The following NUP205 variants were observed in gnomAD, a reference collection of about 807,000 sequenced individuals.
NUP205 encodes the protein nuclear pore complex protein Nup205.
In NUP205, 76 loss-of-function variants were observed where a neutral mutation model predicts 253.8. The observed-to-expected ratio is 0.30, with a 90% CI of 0.25 to 0.36. The LOEUF (loss-of-function observed/expected upper bound fraction) is 0.36, where lower values mean the gene tolerates loss of function less well. NUP205 is among the 10% of genes least tolerant of loss of function. The pLI, the probability that NUP205 is intolerant of heterozygous loss-of-function variation, is 1.00. For synonymous variants in NUP205, 832 were observed against 850.1 expected, an observed-to-expected ratio of 0.98 and a Z score of 0.37; for missense variants, 2,162 against 2,425.5, an observed-to-expected ratio of 0.89 and a Z score of 2.28.
At chr7:135,592,366 G>T (rs1185182561) in intron 11 of NUP205, among the ~76,000 whole-genome samples, 1 of 152,232 alleles carries the variant, frequency 6.6e-6, no homozygotes, top group Admixed American at 6.5e-5. Flanking sequence ...GCCCTGTACA[G>T]TTACATGAGA....
chr7:135,629,521 C>T (rs931422858), intron 34 of NUP205, among the ~76,000 whole-genome samples: 8 of 139,654 alleles, frequency 5.7e-5, no homozygotes, highest in Non-Finnish European at 7.8e-5. Flanking sequence ...GTCTCTCTCT[C>T]TGTCTCTCTT....
At chr7:135,603,506 T>C (rs1400341505) in intron 18 of NUP205, among the ~76,000 whole-genome samples, 1 of 141,840 alleles carries the variant, frequency 7.1e-6, no homozygotes, top group Non-Finnish European at 1.5e-5. Context: ...CTAAGTCTAC[T>C]TTTTTTTTTT....
intron 31 of NUP205, among the ~76,000 whole-genome samples, chr7:135,624,945 A>G (rs910474685): frequency 3.3e-5 from 5 of 152,188 alleles, no homozygotes; most frequent in African/African-American, 1.2e-4. Context: ...TTGGAAATAC[A>G]TCTTTACCTG....
chr7:135,569,677 G>A (rs1584637114), intron 1 of NUP205, among the ~76,000 whole-genome samples: 2 of 151,662 alleles, frequency 1.3e-5, no homozygotes, highest in Non-Finnish European at 2.9e-5. Context: ...AAGAGCTTAG[G>A]GCCATGCTTA....
At chr7:135,646,933 C>T (rs756898426) in intron 42 of NUP205, among the ~76,000 whole-genome samples, 13 of 152,176 alleles carry the variant, frequency 8.5e-5, no homozygotes, top group Non-Finnish European at 1.8e-4. Flanking sequence ...TTTTGATTAG[C>T]TTTGTAGAAC....
In NUP205 at chr7:135,626,371, T is replaced by C; in HGVS notation, c.4793+10T>C. ...AAACGGACCCGCAGAGGTAAGTGTC[T>C]GTATAGATTAATTTGGTTAAACTCC... On this transcript the variant is annotated intron_variant, in intron 33 of 42. Transcript: ENST00000285968. The C allele has an allele frequency of 6.2e-7, 1 of 1,607,646 alleles. No homozygotes were observed. The highest frequency in any genetic ancestry group is 8.5e-7 in the Non-Finnish European group (1 of 1,178,264).
intron 27 of NUP205, 87 bp from the exon 28 acceptor site, chr7:135,618,325 T>C: frequency 9.0e-7 from 1 of 1,117,294 alleles, no homozygotes; most frequent in Non-Finnish European, 1.3e-6. Context: ...ATGTAGTAGG[T>C]TTCCAAATAA....
Position 135,618,618 on chromosome 7 carries a change from A to G in NUP205, c.3963+15A>G. The G allele has an allele frequency of 6.4e-7, 1 of 1,555,216 alleles. No individual in the cohort carries two copies. The highest frequency in any genetic ancestry group is 8.7e-7 in the Non-Finnish European group (1 of 1,148,370). On this transcript the variant is annotated intron_variant, in intron 28 of 42. Coordinates refer to ENST00000285968, the MANE Select transcript of NUP205 (RefSeq NM_015135.3). ...TGCATGATAAGGTGACGTACTTCCT[A>G]AAATACTTTATACTGCTGAACGAAT...
In NUP205 at chr7:135,591,402, A is replaced by G. The variant is rs573844038; in HGVS notation, c.1474-48A>G. 6.3e-5 allele frequency: 98 copies of G among 1,559,632 alleles called. No homozygotes were observed. The South Asian group carries it at 1.0e-3, about 16-fold the overall frequency. The stretch of plus-strand genomic sequence containing the variant: ...TTTATTAGCTAGTCCGTGTTGCCTT[A>G]AAGTTAAGATATACATTATATAAAC... On this transcript the variant is annotated intron_variant, in intron 10 of 42. Coordinates refer to ENST00000285968, the MANE Select transcript of NUP205 (RefSeq NM_015135.3).
chr7:135,611,210 A>T (rs928839016), intron 22 of NUP205, among the ~76,000 whole-genome samples: 11 of 152,060 alleles, frequency 7.2e-5, no homozygotes, highest in Non-Finnish European at 1.6e-4. Context: ...GGGTTTCACC[A>T]TGTTGGCCAG....
chr7:135,582,582 C>T (rs960160298), intron 7 of NUP205, among the ~76,000 whole-genome samples: 1 of 151,992 alleles, frequency 6.6e-6, no homozygotes, highest in African/African-American at 2.4e-5. Context: ...CTCCAGGGCT[C>T]ACATGATCCT....
chr7:135,648,640 T>A lies in NUP205; in HGVS notation c.*84T>A. ...TATAGATTAGTTTCTTTCTAAATTA[T>A]GACCAAAAATATTTTGCTATTTCTT... On this transcript the variant is annotated 3_prime_UTR_variant, in exon 43 of 43. Transcript: ENST00000285968. 1 of 1,131,080 alleles carries A rather than the reference T, an allele frequency of 8.8e-7. No homozygotes were observed. The highest frequency in any genetic ancestry group is 2.8e-5 in the South Asian group (1 of 35,174). 70.1% of individuals were successfully genotyped at this position (1,131,080 alleles called of 1,614,324 possible). A position where few individuals can be genotyped will look rare whatever the true frequency, so the allele number is the denominator to read the frequency against.
chr7:135,605,528 G>T (rs928756228), intron 19 of NUP205, among the ~76,000 whole-genome samples: 15 of 152,142 alleles, frequency 9.9e-5, no homozygotes. Context: ...TCCCTTTGGA[G>T]TGGTGGTACC....
At chr7:135,618,726 C>T (rs910405352) in intron 28 of NUP205, 123 bp downstream of exon 28, 4 of 757,294 alleles carry the variant, frequency 5.3e-6, no homozygotes, top group East Asian at 2.6e-5. Flanking sequence ...GCAATACCAA[C>T]GTTAAGACTT....
chr7:135,563,472 G>A (rs1221012294), intron 1 of NUP205, among the ~76,000 whole-genome samples: 2 of 152,118 alleles, frequency 1.3e-5, no homozygotes, highest in Admixed American at 6.5e-5. Context: ...ACAGGCGTGA[G>A]CCACTGTGCC....
chr7:135,603,139 G>A (rs561586996), intron 18 of NUP205, 145 bp downstream of exon 18: 14 of 563,836 alleles, frequency 2.5e-5, no homozygotes, highest in Non-Finnish European at 2.7e-5. Flanking sequence ...TTTTTGAGAT[G>A]GAGTCTCGCT....
intron 17 of NUP205, among the ~76,000 whole-genome samples, 175 bp from the exon 18 acceptor site, chr7:135,602,630 A>C (rs1267594947): frequency 6.6e-6 from 1 of 152,236 alleles, no homozygotes; most frequent in Non-Finnish European, 1.5e-5. Flanking sequence ...TGGAGCTGAA[A>C]TTTTGAAACA....
rs749139605 is a variant in NUP205, at chr7:135,602,816, C to G, written c.2524C>G (p.Leu842Val). The stretch of plus-strand genomic sequence containing the variant: ...TTTTTGGTTGATAGGGAAAAAACAC[C>G]TGGAGAAAGCAGTACAGCATTGCCT... ...TYAPFPGKKH[L>V]EKAVQHCLAL... The change falls in exon 18 of 43, where the codon CTG becomes GTG. Residue 842 changes from leucine (L) to valine (V), a missense_variant. Physicochemically the swap from Leu to Val is conservative, Grantham distance 32. Coordinates refer to ENST00000285968, the MANE Select transcript of NUP205 (RefSeq NM_015135.3). The G allele has an allele frequency of 6.2e-7, 1 of 1,604,886 alleles. No homozygotes were observed. The highest frequency in any genetic ancestry group is 1.1e-5 in the South Asian group (1 of 87,382).
At chr7:135,630,767 A>T (rs1252923425) in intron 35 of NUP205, among the ~76,000 whole-genome samples, 1 of 152,028 alleles carries the variant, frequency 6.6e-6, no homozygotes, top group Non-Finnish European at 1.5e-5. Context: ...CTACCAAAAA[A>T]TTTTAAAAAT....
Sources: gnomAD v4.1 joint callset for allele counts (sites outside exome capture counted in the v4.1 genomes callset) on GRCh38, gnomAD v4.1.1 for gene constraint, MANE v1.5 for transcripts, NCBI Gene and HGNC (gene_info 2026-07-23, HGNC 2026-07-21) for gene names.